The following PRELID2 variants were observed in gnomAD, a reference collection of about 807,000 sequenced individuals.
PRELID2 encodes PRELI domain containing 2, also known as PRELI domain-containing protein 2.
A neutral mutation model predicts 28.4 loss-of-function variants in PRELID2; 25 were observed. The observed-to-expected ratio is 0.88, with a 90% CI of 0.64 to 1.23. PRELID2 has a LOEUF of 1.23. PRELID2 is among the 50% of genes most tolerant of loss of function. The pLI is 0.00. For synonymous variants in PRELID2, 76 were observed against 71.6 expected (o/e 1.06, Z -0.31); for missense variants, 201 against 214.4 (o/e 0.94, Z 0.39).
intron 1 of PRELID2, among the ~76,000 whole-genome samples, chr5:145,586,960 A>T (rs1433586959): frequency 2.0e-5 from 3 of 152,148 alleles, no homozygotes; most frequent in African/African-American, 7.2e-5. Flanking sequence ...GGGAGGAACT[A>T]AATATAAAAT....
chr5:145,335,999 T>C, the PRELID2 span, among the ~76,000 whole-genome samples: 9 of 152,370 alleles, frequency 5.9e-5, no homozygotes, highest in African/African-American at 1.4e-4. Flanking sequence ...ATTGTGGTTT[T>C]GATTTGCATT....
intron 1 of PRELID2, among the ~76,000 whole-genome samples, chr5:145,485,181 A>G (rs1282009653): frequency 6.6e-6 from 1 of 152,228 alleles, no homozygotes; most frequent in East Asian, 1.9e-4. Context: ...TTTAAAATGA[A>G]TTCAAGAAAG....
intron 1 of PRELID2, among the ~76,000 whole-genome samples, chr5:145,713,710 A>T (rs1026333662): frequency 2.1e-5 from 3 of 144,908 alleles, no homozygotes; most frequent in Non-Finnish European, 3.0e-5. Flanking sequence ...ATAAAGTCAG[A>T]TATCATTCTT....
the PRELID2 span, among the ~76,000 whole-genome samples, chr5:145,424,729 G>A: frequency 1.2e-4 from 19 of 152,054 alleles, no homozygotes; most frequent in African/African-American, 3.9e-4. Flanking sequence ...GTTCCTATTC[G>A]GCCATCTTGG....
At chr5:145,564,412 CT>C (rs1475474082) in intron 1 of PRELID2, among the ~76,000 whole-genome samples, 1 of 152,166 alleles carries the variant, frequency 6.6e-6, no homozygotes, top group Non-Finnish European at 1.5e-5. Flanking sequence ...ATGTCCCTCA[CT>C]CTTGTCCCAC....
chr5:145,733,883 C>T lies in PRELID2; in HGVS notation n.70+31048G>A, dbSNP rs547676019. 3.9e-5 allele frequency among the ~76,000 whole-genome samples: 6 copies of T among 152,154 alleles called. No individual in the cohort carries two copies. In the South Asian group the frequency reaches 8.3e-4, roughly 21 times the overall value. ...GTTATAATGAAGTTGGGAATCTTAA[C>T]GTGAAGATACTATGCTAGATTATCC... On this transcript the variant is annotated intron_variant and non_coding_transcript_variant, in intron 1 of 2. Transcript: ENST00000510259.
At chr5:145,551,921 G>A (rs1393598649) in intron 1 of PRELID2, among the ~76,000 whole-genome samples, 1 of 152,054 alleles carries the variant, frequency 6.6e-6, no homozygotes, top group Non-Finnish European at 1.5e-5. Context: ...GGAGGTACCA[G>A]GGCAATACAT....
At chr5:145,492,368 C>T (rs1017580555) in intron 1 of PRELID2, among the ~76,000 whole-genome samples, 1 of 95,632 alleles carries the variant, frequency 1.0e-5, no homozygotes, top group Non-Finnish European at 2.7e-5. Context: ...AATTTTTAAT[C>T]GAGTCATTTT....
the PRELID2 span, among the ~76,000 whole-genome samples, chr5:145,265,593 A>C: frequency 6.6e-6 from 1 of 152,210 alleles, no homozygotes; most frequent in Non-Finnish European, 1.5e-5. Context: ...AGTCACCAAA[A>C]GAGCATGGTA....
chr5:145,604,748 G>GTTTTTTTTTTTTTTT (rs377653737), intron 1 of PRELID2, among the ~76,000 whole-genome samples: 1 of 109,004 alleles, frequency 9.2e-6, no homozygotes, highest in African/African-American at 3.3e-5. Flanking sequence ...GTTTTTTTTG[G>GTTTTTTTTTTTTTTT]TTTTTTTTTT....
chr5:145,363,955 T>C, the PRELID2 span, among the ~76,000 whole-genome samples: 1 of 152,152 alleles, frequency 6.6e-6, no homozygotes, highest in African/African-American at 2.4e-5. Context: ...AAATCTTCTT[T>C]GGCTGATTGT....
the PRELID2 span, among the ~76,000 whole-genome samples, chr5:145,437,633 T>A: frequency 3.9e-3 from 586 of 152,188 alleles, 1 homozygote; most frequent in Middle Eastern, 6.8e-3. Flanking sequence ...GAACCTTGGA[T>A]TCAACTGACC....
the PRELID2 span, among the ~76,000 whole-genome samples, chr5:145,421,921 T>C: frequency 6.6e-6 from 1 of 151,926 alleles, no homozygotes; most frequent in Admixed American, 6.6e-5. Flanking sequence ...CCAGAGATTC[T>C]GGTATGTTGT....
At chr5:145,464,109 C>G in the PRELID2 span, among the ~76,000 whole-genome samples, 1 of 152,176 alleles carries the variant, frequency 6.6e-6, no homozygotes, top group South Asian at 2.1e-4. Flanking sequence ...CCACAGGTCT[C>G]ATATATCAGA....
At chr5:145,454,054 T>C in the PRELID2 span, among the ~76,000 whole-genome samples, 4 of 152,180 alleles carry the variant, frequency 2.6e-5, no homozygotes, top group African/African-American at 4.8e-5. Flanking sequence ...TTTTCCACAA[T>C]GGTTGAACTA....
chr5:145,560,092 G>A (rs996774321), intron 1 of PRELID2, among the ~76,000 whole-genome samples: 3 of 152,182 alleles, frequency 2.0e-5, no homozygotes, highest in African/African-American at 7.2e-5. Flanking sequence ...TTATAGCAAA[G>A]TGTTGAATAC....
chr5:145,234,945 T>C, the PRELID2 span, among the ~76,000 whole-genome samples: 1 of 152,092 alleles, frequency 6.6e-6, no homozygotes, highest in Admixed American at 6.6e-5. Flanking sequence ...ATATTGAGAC[T>C]GGTCCTCTTC....
intron 1 of PRELID2, among the ~76,000 whole-genome samples, chr5:145,731,260 T>G (rs1216227487): frequency 2.0e-5 from 3 of 152,230 alleles, no homozygotes; most frequent in Non-Finnish European, 4.4e-5. Flanking sequence ...ATCCTTTCAT[T>G]GATCCATTGA....
chr5:145,384,270 T>C, the PRELID2 span, among the ~76,000 whole-genome samples: 2 of 152,158 alleles, frequency 1.3e-5, no homozygotes, highest in African/African-American at 4.8e-5. Context: ...TTATCCAAGA[T>C]TAATGACAGC....
Sources: gnomAD v4.1 joint callset for allele counts (sites outside exome capture counted in the v4.1 genomes callset) on GRCh38, gnomAD v4.1.1 for gene constraint, MANE v1.5 for transcripts, NCBI Gene and HGNC (gene_info 2026-07-23, HGNC 2026-07-21) for gene names.